The following AIRIM variants were observed in gnomAD, a reference collection of about 807,000 sequenced individuals.
AIRIM encodes AFG2-interacting ribosome maturation factor.
At chr1:37,688,664 A>G in the AIRIM span, among the ~76,000 whole-genome samples, 1 of 152,194 alleles carries the variant, frequency 6.6e-6, no homozygotes, top group Non-Finnish European at 1.5e-5. Flanking sequence ...ACAGTTTCCT[A>G]TTAGTCTATG....
chr1:37,686,582 G>A, the AIRIM span: 1 of 880,352 alleles, frequency 1.1e-6, no homozygotes, highest in Non-Finnish European at 1.7e-6. Flanking sequence ...TACATTGTAG[G>A]ACGTGTAGGA....
chr1:37,683,428 C>T, the AIRIM span: 5 of 1,613,592 alleles, frequency 3.1e-6, no homozygotes, highest in Admixed American at 1.7e-5. Context: ...GATACTTTCT[C>T]TTCAGGTACC....
the AIRIM span, chr1:37,683,535 T>C: frequency 1.4e-6 from 2 of 1,393,852 alleles, no homozygotes; most frequent in East Asian, 2.3e-5. Context: ...AAAGTGAAAG[T>C]GCAGATATCC....
chr1:37,685,202 G>GC, the AIRIM span, among the ~76,000 whole-genome samples: 2 of 124,110 alleles, frequency 1.6e-5, no homozygotes, highest in Non-Finnish European at 3.4e-5. Flanking sequence ...TGGGGGGGGG[G>GC]GGTGGGCGGG....
the AIRIM span, among the ~76,000 whole-genome samples, chr1:37,687,728 CTAAAAATAAAA>C: frequency 6.6e-6 from 1 of 152,058 alleles, no homozygotes; most frequent in Non-Finnish European, 1.5e-5. Context: ...GAGACTGTCT[CTAAAAATAAAA>C]TAAAAATAAA....
the AIRIM span, among the ~76,000 whole-genome samples, chr1:37,684,899 C>G: frequency 3.9e-5 from 6 of 152,004 alleles, no homozygotes; most frequent in Non-Finnish European, 8.8e-5. Flanking sequence ...TGGCTCACAC[C>G]GGTACTCTTA....
the AIRIM span, chr1:37,682,401 A>G: frequency 6.6e-6 from 1 of 152,526 alleles, no homozygotes; most frequent in African/African-American, 2.4e-5. Context: ...GCTACTCCAG[A>G]CTCAGAGGAA....
chr1:37,690,686 C>G, the AIRIM span, among the ~76,000 whole-genome samples: 1 of 152,180 alleles, frequency 6.6e-6, no homozygotes, highest in Non-Finnish European at 1.5e-5. Flanking sequence ...GATGTTGGGA[C>G]CGTCCAAACA....
the AIRIM span, chr1:37,690,574 G>T: frequency 1.0e-6 from 1 of 961,216 alleles, no homozygotes; most frequent in Non-Finnish European, 1.3e-6. Context: ...GGGCCTGCCT[G>T]GCTACTGAGT....
At chr1:37,688,963 C>T in the AIRIM span, among the ~76,000 whole-genome samples, 1 of 92,646 alleles carries the variant, frequency 1.1e-5, no homozygotes, top group Non-Finnish European at 2.1e-5. Context: ...AAGACCCTGT[C>T]TCAAAAAAAA....
the AIRIM span, chr1:37,682,917 C>A: frequency 3.4e-6 from 2 of 587,250 alleles, no homozygotes; most frequent in Non-Finnish European, 3.0e-6. Flanking sequence ...GCATGGCTCA[C>A]ATACTCTCAG....
chr1:37,690,551 A>G, the AIRIM span: 1 of 1,106,558 alleles, frequency 9.0e-7, no homozygotes, highest in Non-Finnish European at 1.1e-6. Context: ...ACCTCCCCAC[A>G]AAGCTACTCC....
At chr1:37,686,526 C>A in the AIRIM span, 2 of 1,448,596 alleles carry the variant, frequency 1.4e-6, no homozygotes, top group Non-Finnish European at 1.9e-6. Flanking sequence ...TTTGGCACTA[C>A]TGATATTTTG....
chr1:37,687,561 G>A, the AIRIM span, among the ~76,000 whole-genome samples: 2 of 151,834 alleles, frequency 1.3e-5, no homozygotes, highest in South Asian at 4.2e-4. Flanking sequence ...ACCAGCCTGG[G>A]CAATATGGCA....
the AIRIM span, among the ~76,000 whole-genome samples, chr1:37,688,676 C>A: frequency 3.9e-5 from 6 of 152,176 alleles, no homozygotes; most frequent in African/African-American, 1.4e-4. Context: ...TAGTCTATGA[C>A]AGACTCTATA....
chr1:37,686,266 A>G, the AIRIM span: 1 of 1,609,200 alleles, frequency 6.2e-7, no homozygotes, highest in Non-Finnish European at 8.5e-7. Flanking sequence ...ATGTGTGCAA[A>G]GGATACGACT....
chr1:37,690,497 A>C, the AIRIM span: 27 of 1,208,658 alleles, frequency 2.2e-5, no homozygotes, highest in African/African-American at 4.3e-4. Context: ...CCCTCCAGGG[A>C]CTGCACCACG....
the AIRIM span, chr1:37,686,379 C>T: frequency 5.6e-6 from 9 of 1,613,992 alleles, no homozygotes; most frequent in Admixed American, 1.7e-5. Flanking sequence ...ACTGTGTCTG[C>T]GTGTTGCTCA....
chr1:37,687,011 G>A, the AIRIM span, among the ~76,000 whole-genome samples: 49 of 151,904 alleles, frequency 3.2e-4, 1 homozygote, highest in Middle Eastern at 3.4e-3. Context: ...AGCCAAGTTC[G>A]CGTCACTGCA....
Sources: gnomAD v4.1 joint callset for allele counts (sites outside exome capture counted in the v4.1 genomes callset) on GRCh38, gnomAD v4.1.1 for gene constraint, MANE v1.5 for transcripts, NCBI Gene and HGNC (gene_info 2026-07-23, HGNC 2026-07-21) for gene names.